Variants in ASIC2 observed in about 807,000 individuals in gnomAD.
ASIC2 encodes the protein acid-sensing ion channel 2.
Under a neutral mutation model 57.3 loss-of-function variants are expected in ASIC2, and 25 were observed. The ratio of observed to expected loss-of-function variants is 0.44; its 90% CI spans 0.32 to 0.61. The LOEUF is 0.61. ASIC2 is among the 20% of genes least tolerant of loss of function. The pLI, the probability that ASIC2 is intolerant of heterozygous loss-of-function variation, is 0.06. For missense variants in ASIC2, 641 were observed against 738.1 expected (o/e 0.87, Z 1.52); for synonymous variants, 319 against 307.5 (o/e 1.04, Z -0.39).
intron 1 of ASIC2, among the ~76,000 whole-genome samples, chr17:33,229,571 A>G (rs1908014167): frequency 6.6e-6 from 1 of 152,206 alleles, no homozygotes; most frequent in Non-Finnish European, 1.5e-5. Flanking sequence ...TTTCCATGCA[A>G]AAGGGAGAGG....
chr17:33,441,140 T>C (rs1911809600), intron 1 of ASIC2, among the ~76,000 whole-genome samples: 1 of 152,056 alleles, frequency 6.6e-6, no homozygotes, highest in Non-Finnish European at 1.5e-5. Context: ...GGCTAATTTA[T>C]TTACTTATAT....
At chr17:33,966,602 T>G (rs949243306) in intron 1 of ASIC2, among the ~76,000 whole-genome samples, 3 of 152,208 alleles carry the variant, frequency 2.0e-5, no homozygotes, top group Non-Finnish European at 2.9e-5. Flanking sequence ...ACACACCTGA[T>G]AGTATGAGAA....
chr17:33,963,720 T>G (rs115131625), intron 1 of ASIC2, among the ~76,000 whole-genome samples: 2 of 152,184 alleles, frequency 1.3e-5, no homozygotes, highest in African/African-American at 4.8e-5. Flanking sequence ...AAACTCAGTA[T>G]GTCTTGTCAG....
intron 3 of ASIC2, among the ~76,000 whole-genome samples, chr17:33,081,997 G>A (rs2092114725): frequency 6.6e-6 from 1 of 152,164 alleles, no homozygotes. Flanking sequence ...TGTGATGGTA[G>A]GCATTCTCAG....
intron 1 of ASIC2, among the ~76,000 whole-genome samples, chr17:33,826,333 G>T (rs1207065044): frequency 6.6e-6 from 1 of 152,194 alleles, no homozygotes; most frequent in Admixed American, 6.5e-5. Flanking sequence ...ATGATGGAGG[G>T]CGCAGAGACA....
chr17:34,084,985 T>C (rs952451571), intron 1 of ASIC2, among the ~76,000 whole-genome samples: 73 of 152,126 alleles, frequency 4.8e-4, no homozygotes, highest in South Asian at 6.2e-4. Flanking sequence ...TGTCTGCAAA[T>C]AGGGACAATT....
intron 1 of ASIC2, among the ~76,000 whole-genome samples, chr17:33,652,931 G>C (rs191344171): frequency 2.0e-5 from 3 of 152,290 alleles, no homozygotes. Flanking sequence ...TGGTAAAGCT[G>C]AAAGGCATAG....
intron 1 of ASIC2, among the ~76,000 whole-genome samples, chr17:33,796,831 T>C (rs958366383): frequency 4.6e-5 from 7 of 152,218 alleles, no homozygotes; most frequent in Non-Finnish European, 7.3e-5. Flanking sequence ...AGCTCCAGGC[T>C]TGGCTCACTC....
intron 1 of ASIC2, among the ~76,000 whole-genome samples, chr17:33,799,419 CTTTCTTTCTTCT>C (rs1912038691): frequency 3.2e-4 from 22 of 68,824 alleles, no homozygotes; most frequent in African/African-American, 1.1e-3. Context: ...TTCTTTCTTT[CTTTCTTTCTTCT>C]TTCTTTCTTT....
intron 1 of ASIC2, among the ~76,000 whole-genome samples, chr17:34,102,325 G>A (rs7224222): frequency 0.21 from 31,242 of 151,590 alleles, 4,557 homozygotes; most frequent in African/African-American, 0.42. Flanking sequence ...GTGAGACTCC[G>A]TCTAAAAAAT....
intron 1 of ASIC2, among the ~76,000 whole-genome samples, chr17:33,942,563 G>A (rs1916215397): frequency 6.6e-6 from 1 of 152,132 alleles, no homozygotes; most frequent in South Asian, 2.1e-4. Flanking sequence ...GTGTGCGGGA[G>A]GCAGGAATTG....
intron 1 of ASIC2, among the ~76,000 whole-genome samples, chr17:33,475,291 TC>T (rs1913183201): frequency 2.0e-5 from 1 of 51,102 alleles, no homozygotes; most frequent in African/African-American, 1.4e-4. Flanking sequence ...TTGTTTCAGG[TC>T]TTTTTTTAAA....
Position 33,673,897 on chromosome 17 carries a change from C to CTTTTTTTTTTTTTTTTTTTTT in ASIC2, c.555+482080_555+482081insAAAAAAAAAAAAAAAAAAAAA, listed in dbSNP as rs574986885. On this transcript the variant is annotated intron_variant, in intron 1 of 9. Transcript: ENST00000359872. Reference sequence around the variant, plus strand: ...TGAGCTAAGGTCTGTGCATCCGTGTCTTTTTTTTTTTTTTGGAGACGGAGT... The same window carrying CTTTTTTTTTTTTTTTTTTTTT: ...TGAGCTAAGGTCTGTGCATCCGTGTCTTTTTTTTTTTTTTTTTTTTTTTTTTTTTTTTTTTGGAGACGGAGT... Among the ~76,000 whole-genome samples, 34 of 141,140 alleles carry CTTTTTTTTTTTTTTTTTTTTT rather than the reference C, an allele frequency of 2.4e-4. 1 individual carries two copies. The highest frequency in any genetic ancestry group is 8.6e-4 in the African/African-American group (32 of 37,284). The allele number at this position is 141,140 out of a possible 152,430, so 92.6% of individuals were successfully genotyped here.
chr17:33,819,642 A>G (rs982039954), intron 1 of ASIC2, among the ~76,000 whole-genome samples: 2 of 152,204 alleles, frequency 1.3e-5, no homozygotes, highest in South Asian at 4.1e-4. Context: ...TAATGCTGAG[A>G]CTGTGACCTT....
chr17:33,328,315 G>T (rs1907160871), intron 1 of ASIC2, among the ~76,000 whole-genome samples: 1 of 152,176 alleles, frequency 6.6e-6, no homozygotes, highest in African/African-American at 2.4e-5. Flanking sequence ...GGAGAATGGA[G>T]GGTGCTGGCC....
At chr17:34,039,853 C>A (rs377200924) in intron 1 of ASIC2, 3 of 1,605,522 alleles carry the variant, frequency 1.9e-6, no homozygotes, top group Non-Finnish European at 2.6e-6. Flanking sequence ...TGGGTCCAGG[C>A]TATGCAATTC....
chr17:33,615,915 G>T (rs577683532), intron 1 of ASIC2, among the ~76,000 whole-genome samples: 137 of 152,270 alleles, frequency 9.0e-4, no homozygotes, highest in African/African-American at 3.2e-3. Context: ...TCTCAGACTG[G>T]GCTCTCACGG....
At chr17:33,760,034 T>C (rs1007315734) in intron 1 of ASIC2, among the ~76,000 whole-genome samples, 7 of 152,100 alleles carry the variant, frequency 4.6e-5, no homozygotes, top group Admixed American at 2.6e-4. Context: ...TTGACTTCAT[T>C]ATAAACTGCA....
At chr17:33,399,931 C>A (rs544520287) in intron 1 of ASIC2, among the ~76,000 whole-genome samples, 3 of 152,282 alleles carry the variant, frequency 2.0e-5, no homozygotes, top group East Asian at 3.9e-4. Flanking sequence ...AAGCCTGGGA[C>A]CCTATCTGTC....
Sources: gnomAD v4.1 joint callset for allele counts (sites outside exome capture counted in the v4.1 genomes callset) on GRCh38, gnomAD v4.1.1 for gene constraint, MANE v1.5 for transcripts, NCBI Gene and HGNC (gene_info 2026-07-23, HGNC 2026-07-21) for gene names.